The following CD247 variants were observed in gnomAD, a reference collection of about 807,000 sequenced individuals.
The protein encoded by CD247 is CD247 molecule, also known as T-cell surface glycoprotein CD3 zeta chain.
CD247 carries 13 observed loss-of-function variants against 30.0 expected under a neutral mutation model. That is an observed-to-expected ratio of 0.43 (90% CI 0.28 to 0.69). The LOEUF (loss-of-function observed/expected upper bound fraction) is 0.69. CD247 is among the 30% of genes least tolerant of loss of function. The probability of loss-of-function intolerance (pLI) is 0.16; values close to 1 mark genes in which losing one functional copy is unlikely to be tolerated. For synonymous variants in CD247, 72 were observed against 80.0 expected, an observed-to-expected ratio of 0.90 and a Z score of 0.53; for missense variants, 193 against 212.6, an observed-to-expected ratio of 0.91 and a Z score of 0.57.
intron 1 of CD247, among the ~76,000 whole-genome samples, chr1:167,493,037 C>CTTTTTTTTTTTTT (rs60850667): frequency 5.0e-5 from 4 of 80,366 alleles, no homozygotes; most frequent in South Asian, 4.7e-4. Context: ...AATTTTTCTC[C>CTTTTTTTTTTTTT]TTTTTTTTTT....
At chr1:167,461,351 C>A (rs1007348772) in intron 1 of CD247, among the ~76,000 whole-genome samples, 1 of 152,254 alleles carries the variant, frequency 6.6e-6, no homozygotes, top group Non-Finnish European at 1.5e-5. Flanking sequence ...GCTATTTCTA[C>A]TTGATTCTAA....
intron 1 of CD247, among the ~76,000 whole-genome samples, chr1:167,472,343 A>G (rs1384913522): frequency 3.3e-5 from 5 of 152,086 alleles, no homozygotes; most frequent in African/African-American, 1.2e-4. Context: ...TGGGGGTACT[A>G]TTTTCAATGT....
rs548325181 is a variant in CD247, at chr1:167,466,925, T to C, written c.59-26158A>G. Among the ~76,000 whole-genome samples the C allele has an allele frequency of 3.3e-3, 503 of 152,188 alleles. 2 individuals are homozygous for C. The highest frequency in any genetic ancestry group is 0.014 in the Middle Eastern group (4 of 294). ...CGCAATCTCAGCTCACTGCAAGCTC[T>C]GCCTCCCAGGTTCACGCCATTCTCA... is the stretch of plus-strand genomic sequence containing the variant. On this transcript the variant is annotated intron_variant, in intron 1 of 7. Coordinates refer to ENST00000362089, the MANE Select transcript of CD247 (RefSeq NM_198053.3).
chr1:167,450,802 A>C (rs1472694520), intron 1 of CD247, among the ~76,000 whole-genome samples: 6 of 151,430 alleles, frequency 4.0e-5, no homozygotes, highest in African/African-American at 7.3e-5. Context: ...AGTCCCAGCT[A>C]CTCGGGAGGC....
At chr1:167,462,743 C>A (rs1191855554) in intron 1 of CD247, among the ~76,000 whole-genome samples, 2 of 152,196 alleles carry the variant, frequency 1.3e-5, no homozygotes, top group African/African-American at 4.8e-5. Context: ...TCTCCCACCC[C>A]CTGGAAAAGT....
chr1:167,512,901 T>C (rs1655453928), intron 1 of CD247, among the ~76,000 whole-genome samples: 3 of 152,234 alleles, frequency 2.0e-5, no homozygotes, highest in Non-Finnish European at 4.4e-5. Context: ...GGCTTGGAGA[T>C]GGTAACAGAG....
chr1:167,444,554 T>C (rs1282965569), intron 1 of CD247, among the ~76,000 whole-genome samples: 1 of 152,156 alleles, frequency 6.6e-6, no homozygotes, highest in East Asian at 1.9e-4. Context: ...CAGAGACTAA[T>C]AGAGCATTCT....
chr1:167,516,543 G>A (rs566898355), intron 1 of CD247, among the ~76,000 whole-genome samples: 1 of 152,312 alleles, frequency 6.6e-6, no homozygotes. Context: ...TTCCTCCGGG[G>A]AGACTGTGGA....
chr1:167,456,933 G>A (rs1558005635), intron 1 of CD247, among the ~76,000 whole-genome samples: 1 of 152,152 alleles, frequency 6.6e-6, no homozygotes. Flanking sequence ...ACCTAACACG[G>A]CTGCCTGAAG....
intron 1 of CD247, among the ~76,000 whole-genome samples, chr1:167,506,138 G>C (rs1300744589): frequency 2.0e-5 from 3 of 152,038 alleles, no homozygotes; most frequent in Non-Finnish European, 4.4e-5. Context: ...TACTTTCCAG[G>C]TCAAATATTC....
intron 1 of CD247, among the ~76,000 whole-genome samples, chr1:167,490,006 C>A (rs186416316): frequency 6.7e-6 from 1 of 149,606 alleles, no homozygotes; most frequent in Non-Finnish European, 1.5e-5. Flanking sequence ...GCTGCCTGTG[C>A]CCCCCCACCA....
chr1:167,473,235 T>G (rs1302076289), intron 1 of CD247, among the ~76,000 whole-genome samples: 2 of 152,168 alleles, frequency 1.3e-5, no homozygotes, highest in Non-Finnish European at 2.9e-5. Flanking sequence ...TGACCTGAGA[T>G]AGCCAGCTGT....
At chr1:167,457,383 C>T (rs950416482) in intron 1 of CD247, 1 of 152,380 alleles carries the variant, frequency 6.6e-6, no homozygotes, top group Non-Finnish European at 1.5e-5. Context: ...GAATGACCAG[C>T]AAAGGAGAAA....
At chr1:167,465,472 C>T (rs1303272792) in intron 1 of CD247, among the ~76,000 whole-genome samples, 1 of 151,900 alleles carries the variant, frequency 6.6e-6, no homozygotes. Flanking sequence ...GGATTACAGG[C>T]TCCCGGCATC....
chr1:167,453,484 G>A (rs1652470094), intron 1 of CD247, among the ~76,000 whole-genome samples: 1 of 152,156 alleles, frequency 6.6e-6, no homozygotes. Context: ...ATTCCAGGCA[G>A]TATTTTGCCA....
At chr1:167,472,219 T>C (rs1302184801) in intron 1 of CD247, among the ~76,000 whole-genome samples, 3 of 152,248 alleles carry the variant, frequency 2.0e-5, no homozygotes, top group Non-Finnish European at 4.4e-5. Flanking sequence ...CTCTTTACCA[T>C]CTACCTTTTA....
chr1:167,485,778 G>A (rs767108734), intron 1 of CD247, among the ~76,000 whole-genome samples: 1 of 152,076 alleles, frequency 6.6e-6, no homozygotes, highest in African/African-American at 2.4e-5. Flanking sequence ...AGAATGGTGG[G>A]TATAATTCAT....
Position 167,431,601 on chromosome 1 carries a change from G to T in CD247, c.*80C>A. The T allele has an allele frequency of 8.7e-7, 1 of 1,151,210 alleles. No individual in the cohort carries two copies. Among genetic ancestry groups the T allele is most frequent in the Non-Finnish European group, 1.3e-6 (1 of 757,028 alleles). 71.3% of individuals were successfully genotyped at this position (1,151,210 alleles called of 1,614,324 possible). The stretch of plus-strand genomic sequence containing the variant: ...CTTCAGTGGCTGAGAAGAGTGAACC[G>T]GGTTGTAAATGCTTCATCCTGTGTC... On this transcript the variant is annotated 3_prime_UTR_variant, in exon 8 of 8. Transcript: ENST00000362089.
rs753864195 is a variant in CD247, at chr1:167,494,257, C to T, written c.58+24151G>A. On this transcript the variant is annotated intron_variant, in intron 1 of 7. Coordinates refer to ENST00000362089, the MANE Select transcript of CD247 (RefSeq NM_198053.3). The surrounding 1 kb of genome is among the most constrained non-coding windows in gnomAD (Gnocchi z 7.3). Reference sequence around the variant, plus strand: ...GTTGATGGCCATGATCAATTCGGATCCCCAGGGCCAGTTCAGCAAAACCTC... The same window carrying T: ...GTTGATGGCCATGATCAATTCGGATTCCCAGGGCCAGTTCAGCAAAACCTC... Among the ~76,000 whole-genome samples the T allele has an allele frequency of 9.2e-5, 14 of 152,152 alleles. No homozygotes were observed. Among genetic ancestry groups the T allele is most frequent in the Non-Finnish European group, 1.3e-4 (9 of 68,040 alleles).
Sources: gnomAD v4.1 joint callset for allele counts (sites outside exome capture counted in the v4.1 genomes callset) on GRCh38, gnomAD v4.1.1 for gene constraint, Gnocchi (gnomAD v3.1) non-coding constraint, MANE v1.5 for transcripts, NCBI Gene and HGNC (gene_info 2026-07-23, HGNC 2026-07-21) for gene names.